TSPAN15: variants seen among roughly 807,000 people sequenced by gnomAD.
TSPAN15 encodes tetraspanin 15.
TSPAN15 carries 20 observed loss-of-function variants against 34.5 expected under a neutral mutation model. That is an observed-to-expected ratio of 0.58 (90% CI 0.41 to 0.84). The LOEUF is 0.84. Ranked by LOEUF, TSPAN15 falls within the 40% of genes least tolerant of loss-of-function variation. The probability of loss-of-function intolerance (pLI) is 0.00; values close to 1 mark genes in which losing one functional copy is unlikely to be tolerated. For missense variants in TSPAN15, 313 were observed against 386.1 expected, an observed-to-expected ratio of 0.81 and a Z score of 1.59; for synonymous variants, 155 against 153.9, an observed-to-expected ratio of 1.01 and a Z score of -0.05.
intron 3 of TSPAN15, among the ~76,000 whole-genome samples, chr10:69,489,787 C>A (rs546457198): frequency 4.6e-5 from 7 of 152,366 alleles, no homozygotes; most frequent in African/African-American, 1.7e-4. Flanking sequence ...TGGCCATGCA[C>A]TGGGGAGCTG....
At chr10:69,455,036 G>C (rs894708012) in intron 1 of TSPAN15, among the ~76,000 whole-genome samples, 1 of 151,146 alleles carries the variant, frequency 6.6e-6, no homozygotes, top group Non-Finnish European at 1.5e-5. Flanking sequence ...GGTGGCGTGT[G>C]CCTGTAGTTT....
intron 2 of TSPAN15, 54 bp downstream of exon 2, chr10:69,483,930 C>G: frequency 1.2e-5 from 19 of 1,568,432 alleles, no homozygotes; most frequent in Non-Finnish European, 1.6e-5. Flanking sequence ...GCTGGGGCGC[C>G]TGCCCCTGTG....
the TSPAN15 span, among the ~76,000 whole-genome samples, chr10:69,536,038 G>A: frequency 3.2e-4 from 49 of 152,176 alleles, no homozygotes; most frequent in Admixed American, 9.8e-4. Context: ...GCCGGAGGTC[G>A]CTTAGTTCAT....
chr10:69,521,805 C>G, the TSPAN15 span, among the ~76,000 whole-genome samples: 3 of 147,230 alleles, frequency 2.0e-5, no homozygotes. Context: ...CACCAGCTTT[C>G]TGGTTCTTCA....
intron 1 of TSPAN15, among the ~76,000 whole-genome samples, chr10:69,469,112 CTT>C (rs57899787): frequency 2.1e-5 from 3 of 142,390 alleles, no homozygotes; most frequent in African/African-American, 5.2e-5. Flanking sequence ...CTATGTAAAA[CTT>C]TTTTTTTTTT....
At chr10:69,468,206 G>T (rs999690002) in intron 1 of TSPAN15, among the ~76,000 whole-genome samples, 1 of 151,790 alleles carries the variant, frequency 6.6e-6, no homozygotes, top group African/African-American at 2.4e-5. Context: ...TAATCACCAG[G>T]TGCACACACT....
intron 3 of TSPAN15, among the ~76,000 whole-genome samples, chr10:69,492,158 A>T (rs1841981676): frequency 6.6e-6 from 1 of 151,870 alleles, no homozygotes; most frequent in Admixed American, 6.6e-5. Flanking sequence ...TTTGGAGGGG[A>T]ATGGGGTGGG....
At chr10:69,543,114 T>C in the TSPAN15 span, among the ~76,000 whole-genome samples, 2 of 152,208 alleles carry the variant, frequency 1.3e-5, no homozygotes, top group African/African-American at 4.8e-5. Context: ...TAGAAGGCCA[T>C]GAGGAAGGAC....
intron 5 of TSPAN15, among the ~76,000 whole-genome samples, chr10:69,498,763 G>A (rs1167087835): frequency 6.6e-6 from 1 of 152,222 alleles, no homozygotes; most frequent in Non-Finnish European, 1.5e-5. Flanking sequence ...GCACTCAAAG[G>A]CTGGGTGTCT....
At chr10:69,528,261 T>C in the TSPAN15 span, among the ~76,000 whole-genome samples, 1 of 148,508 alleles carries the variant, frequency 6.7e-6, no homozygotes, top group African/African-American at 2.4e-5. Flanking sequence ...CTGGCTGGCA[T>C]TGGGGAATGC....
At chr10:69,458,338 T>C (rs12776158) in intron 1 of TSPAN15, among the ~76,000 whole-genome samples, 14,528 of 152,296 alleles carry the variant, frequency 0.095, 725 homozygotes, top group East Asian at 0.11. Context: ...TCAAGCCATT[T>C]GGGAAAGTAC....
chr10:69,469,001 C>T lies in TSPAN15; in HGVS notation c.97-14690C>T, dbSNP rs74139146. 5.7e-3 allele frequency among the ~76,000 whole-genome samples: 638 copies of T among 112,008 alleles called. 12 individuals carry two copies. The highest frequency in any genetic ancestry group is 0.02 in the African/African-American group (609 of 30,122). 73.5% of individuals were successfully genotyped at this position (112,008 alleles called of 152,430 possible). ...CGATGACTTAGGGTAAGGCCCTAGACGGCCTTAGGATGGGGCGAATCACCA... is the reference window on the plus strand; with the variant it reads ...CGATGACTTAGGGTAAGGCCCTAGATGGCCTTAGGATGGGGCGAATCACCA... On this transcript the variant is annotated intron_variant, in intron 1 of 7. Coordinates refer to ENST00000373290, the MANE Select transcript of TSPAN15 (RefSeq NM_012339.5).
intron 5 of TSPAN15, among the ~76,000 whole-genome samples, chr10:69,500,521 G>T (rs1036801153): frequency 6.6e-6 from 1 of 152,226 alleles, no homozygotes; most frequent in Non-Finnish European, 1.5e-5. Context: ...AGACCCAGGA[G>T]AGCTGAGGGT....
downstream of TSPAN15, among the ~76,000 whole-genome samples, chr10:69,511,458 C>A (rs1312313256): frequency 2.0e-5 from 3 of 151,746 alleles, no homozygotes; most frequent in Non-Finnish European, 4.4e-5. Flanking sequence ...CTATTTGATT[C>A]TTTTCTCTTT....
At chr10:69,470,202 C>G (rs1841475086) in intron 1 of TSPAN15, among the ~76,000 whole-genome samples, 1 of 152,150 alleles carries the variant, frequency 6.6e-6, no homozygotes, top group Non-Finnish European at 1.5e-5. Context: ...TCAGGCCACA[C>G]ATTTCCTGCA....
intron 1 of TSPAN15, among the ~76,000 whole-genome samples, chr10:69,476,378 T>C (rs1387246666): frequency 1.3e-5 from 2 of 152,038 alleles, no homozygotes; most frequent in Non-Finnish European, 2.9e-5. Context: ...GTTTGATCAA[T>C]GTGCTCTGAC....
intron 1 of TSPAN15, among the ~76,000 whole-genome samples, chr10:69,455,224 C>T (rs1841061100): frequency 6.6e-6 from 1 of 151,794 alleles, no homozygotes; most frequent in South Asian, 2.1e-4. Context: ...TCCTGGCCTG[C>T]CCAGTCCAGA....
At chr10:69,473,128 G>A (rs1176864449) in intron 1 of TSPAN15, among the ~76,000 whole-genome samples, 6 of 152,178 alleles carry the variant, frequency 3.9e-5, no homozygotes, top group Non-Finnish European at 4.4e-5. Flanking sequence ...TAGCTGGGGT[G>A]ATCCAGGAAG....
chr10:69,487,186 G>A (rs998310704), intron 3 of TSPAN15, among the ~76,000 whole-genome samples: 6 of 152,082 alleles, frequency 3.9e-5, no homozygotes, highest in Non-Finnish European at 7.4e-5. Flanking sequence ...CCGTGACCCC[G>A]GGCATGGTTT....
Sources: allele counts gnomAD v4.1 joint callset (sites outside exome capture counted in the v4.1 genomes callset), GRCh38; gene constraint gnomAD v4.1.1; transcripts MANE v1.5; gene names NCBI Gene and HGNC (gene_info 2026-07-23, HGNC 2026-07-21).